The following CACNA1C variants were observed in gnomAD, a reference collection of about 807,000 sequenced individuals.
CACNA1C encodes calcium voltage-gated channel subunit alpha1 C.
In CACNA1C, 30 loss-of-function variants were observed where a neutral mutation model predicts 229.0. That is an observed-to-expected ratio of 0.13 (90% CI 0.10 to 0.18). The LOEUF is 0.18. CACNA1C is among the 10% of genes least tolerant of loss of function. The pLI is 1.00. For synonymous variants in CACNA1C, 1,114 were observed against 1,132.5 expected (o/e 0.98, Z 0.33); for missense variants, 1,658 against 2,845.0 (o/e 0.58, Z 9.49).
At chr12:2,496,369 G>A (rs1339842525) in intron 7 of CACNA1C, among the ~76,000 whole-genome samples, 2 of 152,288 alleles carry the variant, frequency 1.3e-5, no homozygotes, top group African/African-American at 2.4e-5. Context: ...ACTTGAGAAG[G>A]AGCAGCCAAG....
In CACNA1C at chr12:2,206,635, T is replaced by C. The variant is rs371096173; in HGVS notation, c.477+86205T>C. ...CCAATGAGTGTTTGTTCTTTGTTCCTTTTCTCTCTTGAATAGCCAGCGTGG... is the reference window on the plus strand; with the variant it reads ...CCAATGAGTGTTTGTTCTTTGTTCCCTTTCTCTCTTGAATAGCCAGCGTGG... On this transcript the variant is annotated intron_variant, in intron 3 of 46. Transcript: ENST00000399655. Among the ~76,000 whole-genome samples the C allele has an allele frequency of 4.0e-4, 61 of 152,356 alleles. No homozygotes were observed. In the South Asian group the frequency reaches 0.012, roughly 31 times the overall value.
At chr12:2,219,785 GA>G (rs2060967470) in intron 3 of CACNA1C, among the ~76,000 whole-genome samples, 1 of 152,194 alleles carries the variant, frequency 6.6e-6, no homozygotes, top group African/African-American at 2.4e-5. Flanking sequence ...TATGTGGAAA[GA>G]ATTTCAGAGG....
In CACNA1C at chr12:2,677,396, T is replaced by C. The variant is rs982915696; in HGVS notation, c.4956+175T>C. On this transcript the variant is annotated intron_variant, in intron 40 of 46. Transcript: ENST00000399655. The surrounding 1 kb of genome is among the most constrained non-coding windows in gnomAD (Gnocchi z 7.4). Reference sequence around the variant, plus strand: ...GCTGTGAGAAGGGGGTGATGTGCCCTTCCCTACCTGCCACCCACCGACTGC... The same window carrying C: ...GCTGTGAGAAGGGGGTGATGTGCCCCTCCCTACCTGCCACCCACCGACTGC... 2 of 699,048 alleles carry C rather than the reference T, an allele frequency of 2.9e-6. No homozygotes were observed. Among genetic ancestry groups the C allele is most frequent in the Admixed American group, 2.9e-5 (1 of 33,904 alleles). 43.3% of individuals were successfully genotyped at this position (699,048 alleles called of 1,614,324 possible). A position where few individuals can be genotyped will look rare whatever the true frequency, so the allele number is the denominator to read the frequency against.
chr12:2,459,169 G>GTTTTTTTTTTTTTTTTTGTT (rs2099476184), intron 5 of CACNA1C, among the ~76,000 whole-genome samples: 1 of 109,438 alleles, frequency 9.1e-6, no homozygotes, highest in African/African-American at 3.4e-5. Context: ...TTTTGTGTGT[G>GTTTTTTTTTTTTTTTTTGTT]TTTTTTTTTT....
chr12:2,009,856 C>T (rs1382000010), intron 1 of CACNA1C, among the ~76,000 whole-genome samples: 1 of 152,182 alleles, frequency 6.6e-6, no homozygotes, highest in Non-Finnish European at 1.5e-5. Flanking sequence ...TGACCTTCAA[C>T]AAATGACCTC....
At position 2,104,375 on chromosome 12, in the gene CACNA1C, C is replaced by T. The variant is rs976190643; in HGVS notation, c.50-10849C>T. Reference sequence around the variant, plus strand: ...TTCACTCATGATTTGGCTGTCTGTCCGTTATTGGTGTATAGGAATGCTTGT... The same window carrying T: ...TTCACTCATGATTTGGCTGTCTGTCTGTTATTGGTGTATAGGAATGCTTGT... On this transcript the variant is annotated intron_variant, in intron 1 of 46. Transcript: ENST00000399655. 6.6e-5 allele frequency among the ~76,000 whole-genome samples: 10 copies of T among 152,042 alleles called. No homozygotes were observed. The East Asian group carries it at 7.7e-4, about 12-fold the overall frequency.
At chr12:2,401,824 A>T (rs79978243) in intron 3 of CACNA1C, among the ~76,000 whole-genome samples, 1 of 152,226 alleles carries the variant, frequency 6.6e-6, no homozygotes, top group Non-Finnish European at 1.5e-5. Context: ...CAACCTAGAC[A>T]TGCATATGGA....
intron 3 of CACNA1C, among the ~76,000 whole-genome samples, chr12:2,256,090 C>CGACCCTGACCTTACTAGTTTA (rs142296568): frequency 2.9e-5 from 1 of 34,890 alleles, no homozygotes; most frequent in African/African-American, 9.0e-5. Context: ...TACAATCACA[C>CGACCCTGACCTTACTAGTTTA]CTCCTGTTTC....
At chr12:2,266,419 G>T (rs1192978710) in intron 3 of CACNA1C, among the ~76,000 whole-genome samples, 1 of 152,228 alleles carries the variant, frequency 6.6e-6, no homozygotes, top group Non-Finnish European at 1.5e-5. Context: ...CTGTTCTCAT[G>T]CTCCTTCTGC....
intron 3 of CACNA1C, among the ~76,000 whole-genome samples, chr12:2,396,753 A>G (rs879294192): frequency 1.3e-5 from 2 of 152,230 alleles, no homozygotes; most frequent in Admixed American, 1.3e-4. Flanking sequence ...CAACTATTTA[A>G]TGTTTCATTA....
chr12:2,101,034 T>C (rs2076227872), intron 1 of CACNA1C, among the ~76,000 whole-genome samples: 1 of 150,724 alleles, frequency 6.6e-6, no homozygotes, highest in South Asian at 2.1e-4. Context: ...AGAAAAAAAA[T>C]TGTGGTCCCA....
chr12:2,100,141 AAAC>A (rs2075751186), intron 1 of CACNA1C, among the ~76,000 whole-genome samples: 1 of 152,156 alleles, frequency 6.6e-6, no homozygotes, highest in South Asian at 2.1e-4. Flanking sequence ...TCTTCTATGA[AAAC>A]AAACATAAAA....
chr12:2,596,209 C>T (rs940907001), intron 20 of CACNA1C: 16 of 472,154 alleles, frequency 3.4e-5, no homozygotes, highest in African/African-American at 2.8e-4. Context: ...TACCCAAATG[C>T]TCAGGCTGGT....
intron 9 of CACNA1C, among the ~76,000 whole-genome samples, chr12:2,527,868 G>A (rs777693757): frequency 6.6e-6 from 1 of 152,098 alleles, no homozygotes; most frequent in Non-Finnish European, 1.5e-5. Flanking sequence ...AAGCTAAGGG[G>A]TCAGTTGCTA....
intron 3 of CACNA1C, among the ~76,000 whole-genome samples, chr12:2,244,812 A>G (rs1158177656): frequency 6.6e-6 from 1 of 152,236 alleles, no homozygotes; most frequent in African/African-American, 2.4e-5. Flanking sequence ...TAATGTTAAT[A>G]AACAGGGGGA....
chr12:2,548,216 G>A (rs1172269314), intron 9 of CACNA1C, among the ~76,000 whole-genome samples: 1 of 152,114 alleles, frequency 6.6e-6, no homozygotes, highest in Non-Finnish European at 1.5e-5. Flanking sequence ...CCTAAGGGCT[G>A]GTCTCACCAG....
At chr12:2,604,473 A>G (rs906081015) in intron 22 of CACNA1C, among the ~76,000 whole-genome samples, 17 of 152,100 alleles carry the variant, frequency 1.1e-4, no homozygotes, top group African/African-American at 3.1e-4. Flanking sequence ...TCTCCTCCCC[A>G]TGACATCACC....
At chr12:2,637,619 C>T (rs1025606605) in intron 30 of CACNA1C, among the ~76,000 whole-genome samples, 14 of 152,240 alleles carry the variant, frequency 9.2e-5, no homozygotes, top group African/African-American at 2.7e-4. Flanking sequence ...TGAGCAAGGT[C>T]GCTCCCTCCC....
intron 3 of CACNA1C, among the ~76,000 whole-genome samples, chr12:2,340,753 C>T (rs904282590): frequency 2.6e-5 from 4 of 152,060 alleles, no homozygotes; most frequent in African/African-American, 7.3e-5. Flanking sequence ...GTCAGGAGAT[C>T]GAGACCATCC....
Sources: allele counts gnomAD v4.1 joint callset (sites outside exome capture counted in the v4.1 genomes callset), GRCh38; gene constraint gnomAD v4.1.1; non-coding constraint Gnocchi (gnomAD v3.1); transcripts MANE v1.5; gene names NCBI Gene and HGNC (gene_info 2026-07-23, HGNC 2026-07-21).